The following CADM2 variants were observed in gnomAD, a reference collection of about 807,000 sequenced individuals.
CADM2 encodes the protein immunoglobulin superfamily member 4D.
CADM2 carries 12 observed loss-of-function variants against 49.8 expected under a neutral mutation model. The ratio of observed to expected loss-of-function variants is 0.24; its 90% CI spans 0.15 to 0.39. The LOEUF (loss-of-function observed/expected upper bound fraction) is 0.39, where lower values mean the gene tolerates loss of function less well. CADM2 is among the 10% of genes least tolerant of loss of function. The pLI, the probability that CADM2 is intolerant of heterozygous loss-of-function variation, is 1.00. For synonymous variants in CADM2, 214 were observed against 175.4 expected (o/e 1.22, Z -1.74); for missense variants, 378 against 492.3 (o/e 0.77, Z 2.20).
intron 7 of CADM2, among the ~76,000 whole-genome samples, chr3:85,955,145 T>G (rs1242488910): frequency 6.6e-6 from 1 of 151,376 alleles, no homozygotes; most frequent in African/African-American, 2.4e-5. Flanking sequence ...TTCATTTTTC[T>G]TAAGATAGAA....
intron 1 of CADM2, among the ~76,000 whole-genome samples, chr3:85,196,571 T>C (rs1036215671): frequency 1.3e-5 from 2 of 152,002 alleles, no homozygotes; most frequent in African/African-American, 4.8e-5. Context: ...TTTTAAATAA[T>C]TGATTGATTT....
rs1453302730 is a variant in CADM2, at chr3:86,037,714, CA to C, written c.971-27890del. Reference sequence around the variant, plus strand: ...TAAGAAATTGCATTCTTTACTGATACACCTTTAGGCAAAAATTAAAGTAGAA... The same window carrying C: ...TAAGAAATTGCATTCTTTACTGATACCCTTTAGGCAAAAATTAAAGTAGAA... On this transcript the variant is annotated intron_variant, in intron 8 of 9. Coordinates refer to ENST00000383699, the MANE Select transcript of CADM2 (RefSeq NM_001167675.2). Among the ~76,000 whole-genome samples, 5 of 152,200 alleles carry C rather than the reference CA, an allele frequency of 3.3e-5. No homozygotes were observed. In the East Asian group the frequency reaches 5.8e-4, roughly 18 times the overall value.
intron 1 of CADM2, among the ~76,000 whole-genome samples, chr3:85,631,623 T>C (rs901973320): frequency 3.3e-5 from 5 of 152,104 alleles, no homozygotes; most frequent in Non-Finnish European, 7.4e-5. Flanking sequence ...CACGAATTAA[T>C]TTTTCATTGA....
chr3:85,518,048 C>G (rs1424224822), intron 1 of CADM2, among the ~76,000 whole-genome samples: 2 of 152,110 alleles, frequency 1.3e-5, no homozygotes, highest in Non-Finnish European at 2.9e-5. Flanking sequence ...TCTCTGTTGT[C>G]CAGGCTGGAG....
At chr3:85,993,780 A>C (rs1183741154) in intron 8 of CADM2, 1 of 151,548 alleles carries the variant, frequency 6.6e-6, no homozygotes, top group Non-Finnish European at 1.5e-5. Flanking sequence ...AATATCTTGA[A>C]AGGAATCTTT....
intron 6 of CADM2, among the ~76,000 whole-genome samples, chr3:85,925,308 G>T (rs1054412659): frequency 1.3e-5 from 2 of 152,034 alleles, no homozygotes; most frequent in Non-Finnish European, 2.9e-5. Flanking sequence ...TTATAATAGT[G>T]GTACTGTGTC....
At chr3:86,023,307 C>T (rs1733435671) in intron 8 of CADM2, among the ~76,000 whole-genome samples, 1 of 152,134 alleles carries the variant, frequency 6.6e-6, no homozygotes, top group South Asian at 2.1e-4. Context: ...AGATTCTCAC[C>T]TTAGAAAAAT....
At chr3:86,004,887 C>T (rs889874167) in intron 8 of CADM2, among the ~76,000 whole-genome samples, 1 of 152,148 alleles carries the variant, frequency 6.6e-6, no homozygotes, top group Non-Finnish European at 1.5e-5. Flanking sequence ...CTTTACTGAC[C>T]ATGCTATATA....
chr3:85,802,255 AATTT>A, intron 3 of CADM2, 59 bp downstream of exon 3: 2 of 1,426,244 alleles, frequency 1.4e-6, no homozygotes, highest in Non-Finnish European at 1.9e-6. Context: ...AATTACAATA[AATTT>A]ATTTTTCTGA....
At chr3:85,241,576 T>G (rs2042529952) in intron 1 of CADM2, among the ~76,000 whole-genome samples, 1 of 151,436 alleles carries the variant, frequency 6.6e-6, no homozygotes, top group Non-Finnish European at 1.5e-5. Flanking sequence ...AAAATCATAG[T>G]CAGTTTAAAT....
At chr3:85,014,553 T>C (rs2034160179) in intron 1 of CADM2, among the ~76,000 whole-genome samples, 1 of 152,172 alleles carries the variant, frequency 6.6e-6, no homozygotes, top group Non-Finnish European at 1.5e-5. Flanking sequence ...ATATCTTCCA[T>C]GAATGAGAGG....
intron 1 of CADM2, among the ~76,000 whole-genome samples, chr3:85,065,327 T>C (rs1328252442): frequency 1.3e-5 from 2 of 152,110 alleles, no homozygotes; most frequent in Non-Finnish European, 2.9e-5. Flanking sequence ...TTTTAAAATA[T>C]ATTGGGTTGC....
chr3:85,407,774 G>C (rs2035458620), intron 1 of CADM2, among the ~76,000 whole-genome samples: 2 of 152,056 alleles, frequency 1.3e-5, no homozygotes, highest in Admixed American at 1.3e-4. Context: ...CTTGAGGCCA[G>C]GAGTTCTAGA....
intron 1 of CADM2, among the ~76,000 whole-genome samples, chr3:85,352,685 T>A (rs990265813): frequency 6.6e-6 from 1 of 152,106 alleles, no homozygotes; most frequent in Admixed American, 6.6e-5. Context: ...TTCCACAGTA[T>A]CCAGACCAAA....
chr3:85,559,685 C>CACACACAT (rs1254675915), intron 1 of CADM2, among the ~76,000 whole-genome samples: 123 of 150,938 alleles, frequency 8.1e-4, no homozygotes, highest in African/African-American at 2.7e-3. Context: ...CACACACACA[C>CACACACAT]ACATATATAT....
chr3:85,291,652 G>T (rs1245712185), intron 1 of CADM2, among the ~76,000 whole-genome samples: 3 of 147,166 alleles, frequency 2.0e-5, no homozygotes, highest in South Asian at 2.1e-4. Flanking sequence ...TTAAAGAAAA[G>T]AATTTTCAAC....
At chr3:85,275,016 C>A (rs1231866993) in intron 1 of CADM2, among the ~76,000 whole-genome samples, 1 of 151,274 alleles carries the variant, frequency 6.6e-6, no homozygotes, top group Non-Finnish European at 1.5e-5. Context: ...AAAGCCTAGC[C>A]ATAGAATCTA....
intron 6 of CADM2, among the ~76,000 whole-genome samples, chr3:85,928,610 C>T (rs554438576): frequency 6.6e-6 from 1 of 152,046 alleles, no homozygotes; most frequent in Non-Finnish European, 1.5e-5. Context: ...ATTTTATAGA[C>T]ATTCTAAAGA....
chr3:85,777,256 T>TATC lies in CADM2; in HGVS notation c.89-24789_89-24788insCAT, dbSNP rs531501820. Among the ~76,000 whole-genome samples the TATC allele has an allele frequency of 2.1e-3, 318 of 150,720 alleles. 1 individual carries two copies. Among genetic ancestry groups the TATC allele is most frequent in the African/African-American group, 7.4e-3 (304 of 41,302 alleles). ...ATGGTTTTTAAAAAATTATTATTAT[T>TATC]ATTATTATTATTATTTTGAGGTGGA... On this transcript the variant is annotated intron_variant, in intron 2 of 9. Transcript: ENST00000383699.
Sources: allele counts gnomAD v4.1 joint callset (sites outside exome capture counted in the v4.1 genomes callset), GRCh38; gene constraint gnomAD v4.1.1; transcripts MANE v1.5; gene names NCBI Gene and HGNC (gene_info 2026-07-23, HGNC 2026-07-21).